The following PHACTR1 variants were observed in gnomAD, a reference collection of about 807,000 sequenced individuals.
The protein encoded by PHACTR1 is RPEL repeat containing 1.
PHACTR1 carries 16 observed loss-of-function variants against 69.2 expected under a neutral mutation model. That is an observed-to-expected ratio of 0.23 (90% CI 0.16 to 0.35). PHACTR1 has a LOEUF of 0.35. PHACTR1 is among the 10% of genes least tolerant of loss of function. The pLI is 1.00. For missense variants in PHACTR1, 510 were observed against 734.7 expected, an observed-to-expected ratio of 0.69 and a Z score of 3.54; for synonymous variants, 312 against 284.5, an observed-to-expected ratio of 1.10 and a Z score of -0.97.
chr6:13,192,003 G>C (rs180781129), intron 7 of PHACTR1, among the ~76,000 whole-genome samples: 1 of 152,336 alleles, frequency 6.6e-6, no homozygotes, highest in African/African-American at 2.4e-5. Flanking sequence ...GGCAAAGAGC[G>C]TAGCAAAATA....
intron 5 of PHACTR1, among the ~76,000 whole-genome samples, chr6:13,155,627 C>A (rs150783311): frequency 6.6e-6 from 1 of 152,146 alleles, no homozygotes; most frequent in South Asian, 2.1e-4. Flanking sequence ...CAGTGGCTCA[C>A]GCCTGTAATC....
At chr6:12,971,785 T>C (rs1794242425) in intron 4 of PHACTR1, among the ~76,000 whole-genome samples, 1 of 152,234 alleles carries the variant, frequency 6.6e-6, no homozygotes, top group Non-Finnish European at 1.5e-5. Flanking sequence ...TTTTATGATA[T>C]GTAAATTATG....
chr6:13,230,342 A>G (rs1418994276), intron 10 of PHACTR1, 149 bp downstream of exon 10: 7 of 1,478,008 alleles, frequency 4.7e-6, no homozygotes, highest in Non-Finnish European at 6.3e-6. Flanking sequence ...ACATGAGGTC[A>G]GGAGTTCAAG....
chr6:13,251,557 G>A (rs1470539307), intron 10 of PHACTR1, among the ~76,000 whole-genome samples: 1 of 152,124 alleles, frequency 6.6e-6, no homozygotes, highest in Non-Finnish European at 1.5e-5. Context: ...TGTGTGTTGA[G>A]TGTATTTGAT....
intron 4 of PHACTR1, among the ~76,000 whole-genome samples, chr6:12,946,321 T>TA (rs1238905664): frequency 6.6e-6 from 1 of 151,992 alleles, no homozygotes; most frequent in Non-Finnish European, 1.5e-5. Context: ...ACTTGAACAT[T>TA]ATGCTGTCAA....
intron 7 of PHACTR1, among the ~76,000 whole-genome samples, chr6:13,186,465 T>A (rs1237204901): frequency 6.6e-6 from 1 of 152,212 alleles, no homozygotes; most frequent in East Asian, 1.9e-4. Context: ...AGCAAACAAC[T>A]GCAACAGCCT....
At chr6:13,226,685 ATTTT>A (rs1562026517) in intron 8 of PHACTR1, among the ~76,000 whole-genome samples, 2 of 151,786 alleles carry the variant, frequency 1.3e-5, no homozygotes, top group Non-Finnish European at 2.9e-5. Flanking sequence ...GAAAATAATT[ATTTT>A]ATTTTTGATG....
chr6:12,902,022 A>G (rs368656534), intron 4 of PHACTR1, among the ~76,000 whole-genome samples: 2 of 152,116 alleles, frequency 1.3e-5, no homozygotes, highest in East Asian at 1.9e-4. Flanking sequence ...TGCTACTGGC[A>G]TCTAACAGTG....
At chr6:13,220,478 G>A (rs752434441) in intron 8 of PHACTR1, among the ~76,000 whole-genome samples, 1 of 152,156 alleles carries the variant, frequency 6.6e-6, no homozygotes, top group Non-Finnish European at 1.5e-5. Context: ...TTACAAAGCA[G>A]CCTAACTTTG....
intron 8 of PHACTR1, among the ~76,000 whole-genome samples, chr6:13,221,785 C>T (rs1768685359): frequency 6.6e-6 from 1 of 152,226 alleles, no homozygotes; most frequent in African/African-American, 2.4e-5. Context: ...CGCCTCTAAT[C>T]CCAGCACTTT....
At chr6:12,746,918 T>A (rs186506428) in intron 3 of PHACTR1, among the ~76,000 whole-genome samples, 11 of 152,228 alleles carry the variant, frequency 7.2e-5, no homozygotes, top group African/African-American at 2.7e-4. Context: ...GCACCATTCA[T>A]ACAGTATTTA....
chr6:13,071,033 T>G (rs34381599), intron 5 of PHACTR1, among the ~76,000 whole-genome samples: 46,278 of 151,746 alleles, frequency 0.3, 8,578 homozygotes, highest in African/African-American at 0.51. Context: ...TGGAAGGTCA[T>G]GTTTAAAGGT....
At chr6:13,280,891 G>T in intron 12 of PHACTR1, 1 of 1,199,682 alleles carries the variant, frequency 8.3e-7, no homozygotes, top group Non-Finnish European at 1.1e-6. Flanking sequence ...CCAAAGGTGC[G>T]TCTTCTGAGC....
At chr6:13,013,548 G>A (rs1441540442) in intron 4 of PHACTR1, among the ~76,000 whole-genome samples, 1 of 152,206 alleles carries the variant, frequency 6.6e-6, no homozygotes, top group Non-Finnish European at 1.5e-5. Flanking sequence ...AACCCAGCAG[G>A]CTCTCAGTAG....
At chr6:13,186,892 A>C (rs1762885733) in intron 7 of PHACTR1, among the ~76,000 whole-genome samples, 2 of 152,144 alleles carry the variant, frequency 1.3e-5, no homozygotes, top group Admixed American at 1.3e-4. Context: ...GCTCACCATA[A>C]TGTAGAATCT....
intron 5 of PHACTR1, among the ~76,000 whole-genome samples, chr6:13,083,294 A>G (rs1811711193): frequency 6.6e-6 from 1 of 151,778 alleles, no homozygotes; most frequent in African/African-American, 2.4e-5. Flanking sequence ...GTTCTGTTCC[A>G]TTGGTCTATA....
chr6:12,891,497 A>G (rs546607601), intron 4 of PHACTR1, among the ~76,000 whole-genome samples: 1 of 152,338 alleles, frequency 6.6e-6, no homozygotes, highest in Admixed American at 6.5e-5. Context: ...ATGAAGTTTG[A>G]AGATGCTATG....
At chr6:13,148,451 A>G in intron 5 of PHACTR1, among the ~76,000 whole-genome samples, 1 of 152,216 alleles carries the variant, frequency 6.6e-6, no homozygotes, top group Non-Finnish European at 1.5e-5. Flanking sequence ...TACCCAGTTC[A>G]TATTCATATT....
chr6:12,984,181 G>T (rs777084903), intron 4 of PHACTR1, among the ~76,000 whole-genome samples: 130 of 152,246 alleles, frequency 8.5e-4, no homozygotes, highest in African/African-American at 2.6e-3. Context: ...AAAGTGTTCC[G>T]ATTTCTCCAC....
Sources: gnomAD v4.1 joint callset for allele counts (sites outside exome capture counted in the v4.1 genomes callset) on GRCh38, gnomAD v4.1.1 for gene constraint, MANE v1.5 for transcripts, NCBI Gene and HGNC (gene_info 2026-07-23, HGNC 2026-07-21) for gene names.